The following DACT2 variants were observed in gnomAD, a reference collection of about 807,000 sequenced individuals.
DACT2 encodes the protein dapper homolog 2.
DACT2 carries 20 observed loss-of-function variants against 22.2 expected under a neutral mutation model. The observed-to-expected ratio is 0.90, with a 90% confidence interval of 0.63 to 1.31. The LOEUF is 1.31. Among genes scored for constraint, DACT2 ranks in the 50% most tolerant of loss-of-function variants. The pLI is 0.00. For missense variants in DACT2, 1,048 were observed against 1,061.4 expected (o/e 0.99, Z 0.18); for synonymous variants, 463 against 479.8 (o/e 0.96, Z 0.46).
intron 2 of DACT2, 121 bp from the exon 3 acceptor site, chr6:168,310,567 G>C: frequency 7.5e-7 from 1 of 1,326,264 alleles, no homozygotes; most frequent in Non-Finnish European, 1.0e-6. Flanking sequence ...GAGGCTACCG[G>C]AGGCTGTGTG....
At chr6:168,316,521 A>G (rs1353050254) in intron 1 of DACT2, among the ~76,000 whole-genome samples, 1 of 88,442 alleles carries the variant, frequency 1.1e-5, no homozygotes, top group Non-Finnish European at 2.1e-5. Context: ...TCGTGTGCTG[A>G]GCTGAGGTCA....
At chr6:168,298,451 AG>A (rs1779044317) in intron 3 of DACT2, 1 of 152,242 alleles carries the variant, frequency 6.6e-6, no homozygotes, top group Non-Finnish European at 1.5e-5. Context: ...AGAAACAGAG[AG>A]GCCAAGTACA....
intron 5 of DACT2, chr6:168,294,125 G>A (rs1471639012): frequency 1.4e-6 from 1 of 702,996 alleles, no homozygotes; most frequent in South Asian, 1.5e-5. Flanking sequence ...TGAGCATGGA[G>A]CACTTACCAC....
In DACT2 at chr6:168,319,653, C is replaced by T; in HGVS notation, c.-20G>A. ...CCACATCTCCCGGGCAGGGTCCCGGCCTCCCGAACCCCACGAGCGGCGCCG... is the reference window on the plus strand; with the variant it reads ...CCACATCTCCCGGGCAGGGTCCCGGTCTCCCGAACCCCACGAGCGGCGCCG... On this transcript the variant is annotated 5_prime_UTR_variant, in exon 1 of 4. Transcript: ENST00000366795. 1.6e-6 allele frequency: 2 copies of T among 1,220,380 alleles called. No homozygotes were observed. The highest frequency in any genetic ancestry group is 3.4e-5 in the East Asian group (1 of 29,346). The allele number at this position is 1,220,380 out of a possible 1,614,324, so 75.6% of individuals were successfully genotyped here.
At chr6:168,309,939 AG>A (rs1779350903) in intron 3 of DACT2, among the ~76,000 whole-genome samples, 1 of 146,128 alleles carries the variant, frequency 6.8e-6, no homozygotes, top group Non-Finnish European at 1.5e-5. Context: ...TTTTAAATAC[AG>A]GGAAAAGTGC....
downstream of DACT2, among the ~76,000 whole-genome samples, chr6:168,304,379 T>C (rs1163241081): frequency 6.6e-6 from 1 of 152,258 alleles, no homozygotes; most frequent in East Asian, 1.9e-4. Flanking sequence ...ATATCCCTGT[T>C]CTCTGAATTC....
exon 6 of DACT2, chr6:168,293,842 C>A: frequency 1.4e-6 from 1 of 702,786 alleles, no homozygotes; most frequent in South Asian, 1.5e-5. Flanking sequence ...GACCCGACTT[C>A]CAGCCTGTGA....
intron 1 of DACT2, among the ~76,000 whole-genome samples, chr6:168,313,914 T>G (rs1276315572): frequency 6.6e-6 from 1 of 152,092 alleles, no homozygotes; most frequent in African/African-American, 2.4e-5. Flanking sequence ...CACACAGAGC[T>G]CTCAGGCACT....
At chr6:168,309,125 C>T (rs1399053155) in intron 3 of DACT2, 27 bp from the exon 4 acceptor site, 8 of 1,490,632 alleles carry the variant, frequency 5.4e-6, no homozygotes, top group African/African-American at 4.2e-5. Flanking sequence ...TGAACAAACA[C>T]GTAACTACGG....
chr6:168,303,546 C>T (rs56016041), downstream of DACT2, among the ~76,000 whole-genome samples: 50,495 of 152,078 alleles, frequency 0.33, 9,454 homozygotes, highest in Non-Finnish European at 0.42. Flanking sequence ...TGCTTTCTAC[C>T]GTGGGTAGAA....
Position 168,308,769 on chromosome 6 carries a change from C to G in DACT2, c.988G>C (p.Ala330Pro). The G allele has an allele frequency of 6.4e-7, 1 of 1,551,368 alleles. No individual in the cohort carries two copies. The highest frequency in any genetic ancestry group is 8.7e-7 in the Non-Finnish European group (1 of 1,147,008). ...AGCAACCTGTCGATATAAGCTCTGGCCCTGGCCGGGCCAGCCTCGAGGACC... is the reference window on the plus strand; with the variant it reads ...AGCAACCTGTCGATATAAGCTCTGGGCCTGGCCGGGCCAGCCTCGAGGACC... ...GPVLEAGPAR[A>P]RAYIDRLLHL... is the part of the protein sequence containing the mutation. Residue 330 changes from alanine to proline, a missense_variant, in exon 4 of 4, where the codon GCC becomes CCC. Transcript: ENST00000366795.
rs115703522 is a variant in DACT2 at position 168,298,659 on chromosome 6, G to T, written c.659-3955C>A. 1.1e-3 allele frequency: 162 copies of T among 152,326 alleles called. 2 individuals are homozygous for T. The highest frequency in any genetic ancestry group is 3.8e-3 in the African/African-American group (160 of 41,568). 9.4% of individuals were successfully genotyped at this position (152,326 alleles called of 1,614,324 possible). A position where few individuals can be genotyped will look rare whatever the true frequency, so the allele number is the denominator to read the frequency against. ...ACCTTCATGTACATGCAATGACCTA[G>T]CGTAGCTACTGTGGAGATTACACGT... On this transcript the variant is annotated intron_variant, in intron 3 of 5. Transcript: ENST00000366796.
At position 168,307,556 on chromosome 6, in the gene DACT2, G is replaced by T; in HGVS notation, c.2201C>A (p.Pro734Gln). The T allele has an allele frequency of 6.4e-7, 1 of 1,551,224 alleles. No individual in the cohort carries two copies. The highest frequency in any genetic ancestry group is 8.7e-7 in the Non-Finnish European group (1 of 1,146,882). Residue 734 changes from proline to glutamine, a missense_variant, in exon 4 of 4, where the codon CCG becomes CAG. By Grantham distance (76) the Pro-to-Gln change is moderately conservative. Transcript: ENST00000366795. The surrounding 1 kb of genome is among the most constrained non-coding windows in gnomAD (Gnocchi z 5.3). The part of the protein sequence containing the change: ...HAELAWTQEA[P>Q]VSSGPLLSPV... Reference sequence around the variant, plus strand: ...GGACAGGAGTGGCCCCGAGCTGACCGGGGCCTCCTGGGTCCAGGCCAGCTC... The same window carrying T: ...GGACAGGAGTGGCCCCGAGCTGACCTGGGCCTCCTGGGTCCAGGCCAGCTC...
chr6:168,311,632 C>CCA (rs145723575), intron 1 of DACT2, among the ~76,000 whole-genome samples: 8,543 of 96,136 alleles, frequency 0.089, 341 homozygotes, highest in East Asian at 0.22. Context: ...ACACACCCAT[C>CCA]CACACACACA....
chr6:168,319,239 G>A, intron 1 of DACT2, 149 bp downstream of exon 1: 1 of 785,174 alleles, frequency 1.3e-6, no homozygotes, highest in Non-Finnish European at 1.7e-6. Context: ...CCCCTCCTTG[G>A]AGACCGAACT....
At chr6:168,304,785 G>A (rs531091289), downstream of DACT2, among the ~76,000 whole-genome samples, 4 of 152,218 alleles carry the variant, frequency 2.6e-5, no homozygotes, top group Non-Finnish European at 4.4e-5. Context: ...GAGGCCAGGC[G>A]GGATGGGAAC....
chr6:168,314,056 A>G (rs992437297), intron 1 of DACT2, among the ~76,000 whole-genome samples: 2 of 151,976 alleles, frequency 1.3e-5, no homozygotes, highest in African/African-American at 4.8e-5. Flanking sequence ...GGTTTGTTTG[A>G]CTGTGGTTTT....
downstream of DACT2, among the ~76,000 whole-genome samples, chr6:168,305,456 C>T (rs1054953352): frequency 3.9e-5 from 6 of 152,310 alleles, no homozygotes; most frequent in Admixed American, 3.3e-4. Flanking sequence ...GGAGTCGGAG[C>T]TGCCTAGAGT....
chr6:168,306,846 G>C (rs1583294635), downstream of DACT2: 1 of 975,762 alleles, frequency 1.0e-6, no homozygotes, highest in East Asian at 1.1e-4. Flanking sequence ...GTGATGGGCA[G>C]GCATGATGAT....
Sources: gnomAD v4.1 joint callset for allele counts (sites outside exome capture counted in the v4.1 genomes callset) on GRCh38, gnomAD v4.1.1 for gene constraint, Gnocchi (gnomAD v3.1) non-coding constraint, MANE v1.5 for transcripts, NCBI Gene and HGNC (gene_info 2026-07-23, HGNC 2026-07-21) for gene names.